Variants in CFAP91 observed in about 807,000 individuals in gnomAD.
The protein encoded by CFAP91 is cilia and flagella associated protein 91.
A neutral mutation model predicts 95.9 loss-of-function variants in CFAP91; 85 were observed. The ratio of observed to expected loss-of-function variants is 0.89; its 90% CI spans 0.74 to 1.06. CFAP91 has a LOEUF of 1.06. Ranked by LOEUF, CFAP91 falls within the 50% of genes least tolerant of loss-of-function variation. The probability of loss-of-function intolerance (pLI) is 0.00; values close to 1 mark genes in which losing one functional copy is unlikely to be tolerated. For synonymous variants in CFAP91, 335 were observed against 327.5 expected, an observed-to-expected ratio of 1.02 and a Z score of -0.25; for missense variants, 962 against 943.4, an observed-to-expected ratio of 1.02 and a Z score of -0.26.
At chr3:119,745,358 T>TATA (rs1559765279) in intron 14 of CFAP91, among the ~76,000 whole-genome samples, 1 of 152,178 alleles carries the variant, frequency 6.6e-6, no homozygotes, top group African/African-American at 2.4e-5. Flanking sequence ...GAAACACAGA[T>TATA]ATAAAGTCAT....
rs749813074 is a variant in CFAP91, at chr3:119,703,059, C to T, written c.-40C>T. On this transcript the variant is annotated 5_prime_UTR_variant, in exon 1 of 18. Transcript: ENST00000273390. ...ACGTGCACGCAGTAGCCAGGCCTGACCCGCTGGTCCCTTGCTGGCGGGAGG... is the reference window on the plus strand; with the variant it reads ...ACGTGCACGCAGTAGCCAGGCCTGATCCGCTGGTCCCTTGCTGGCGGGAGG... 1.3e-6 allele frequency: 2 copies of T among 1,547,358 alleles called. No homozygotes were observed. The highest frequency in any genetic ancestry group is 3.9e-5 in the Admixed American group (2 of 50,912).
In CFAP91 at chr3:119,731,912, T is replaced by C. The variant is rs114786085; in HGVS notation, c.1019-382T>C. ...CTGTAGTCTTTGCTTTTGATTATCC[T>C]TGTAGGGGAGAATAATTCCCTAGTT... On this transcript the variant is annotated intron_variant, in intron 8 of 17. Transcript: ENST00000273390. 5.9e-3 allele frequency among the ~76,000 whole-genome samples: 893 copies of C among 152,370 alleles called. 3 individuals are homozygous for C. The highest frequency in any genetic ancestry group is 0.017 in the African/African-American group (719 of 41,592).
intron 17 of CFAP91, among the ~76,000 whole-genome samples, chr3:119,753,369 A>G (rs771608014): frequency 6.6e-6 from 1 of 152,202 alleles, no homozygotes; most frequent in Admixed American, 6.5e-5. Context: ...TATCCCTGGC[A>G]TATGATATAG....
At chr3:119,751,140 AG>A (rs2054317832) in intron 17 of CFAP91, 42 bp downstream of exon 17, 2 of 1,560,810 alleles carry the variant, frequency 1.3e-6, no homozygotes, top group South Asian at 2.5e-5. Flanking sequence ...AGAGAAAGGA[AG>A]AAAAGCGGCA....
intron 8 of CFAP91, among the ~76,000 whole-genome samples, chr3:119,731,066 G>A (rs750952103): frequency 1.4e-4 from 22 of 152,012 alleles, no homozygotes; most frequent in South Asian, 4.2e-4. Flanking sequence ...GTGAGACCAC[G>A]TCTCTACAAA....
At chr3:119,707,013 C>T in intron 2 of CFAP91, 128 bp downstream of exon 2, 1 of 725,370 alleles carries the variant, frequency 1.4e-6, no homozygotes, top group Non-Finnish European at 2.4e-6. Flanking sequence ...ATTACCTTGC[C>T]AAGATTACTG....
chr3:119,732,977 C>T (rs528687178), intron 9 of CFAP91, among the ~76,000 whole-genome samples: 2 of 152,186 alleles, frequency 1.3e-5, no homozygotes, highest in Non-Finnish European at 2.9e-5. Flanking sequence ...TTGCTGGTTA[C>T]ACTGCTGAAC....
chr3:119,720,289 C>T (rs901129390), intron 6 of CFAP91, among the ~76,000 whole-genome samples: 63 of 148,740 alleles, frequency 4.2e-4, no homozygotes, highest in African/African-American at 1.1e-3. Flanking sequence ...CCCAGCTACT[C>T]GGGAGGCTGA....
intron 5 of CFAP91, among the ~76,000 whole-genome samples, chr3:119,714,644 C>G (rs1047278304): frequency 8.5e-5 from 13 of 152,122 alleles, no homozygotes; most frequent in African/African-American, 3.1e-4. Flanking sequence ...TGTGAATTCT[C>G]CTTTACTCAT....
chr3:119,713,078 TTTATTTTTATTTA>T (rs976688978), intron 5 of CFAP91: 6 of 147,276 alleles, frequency 4.1e-5, no homozygotes, highest in South Asian at 4.3e-4. Flanking sequence ...AAATTTTTAT[TTTATTTTTATTTA>T]TTTATTTATT....
At chr3:119,717,351 A>T (rs34205825) in intron 6 of CFAP91, among the ~76,000 whole-genome samples, 111,090 of 152,040 alleles carry the variant, frequency 0.73, 42,455 homozygotes, top group Non-Finnish European at 0.85. Context: ...TCATTAGGCA[A>T]AAAACAAACA....
At chr3:119,721,816 AAG>A (rs1264389674) in intron 6 of CFAP91, among the ~76,000 whole-genome samples, 47 of 152,192 alleles carry the variant, frequency 3.1e-4, no homozygotes, top group Non-Finnish European at 2.6e-4. Context: ...CAGAACTAAA[AAG>A]AGAGTTCAAC....
chr3:119,759,504 A>G (rs557985500), intron 17 of CFAP91, among the ~76,000 whole-genome samples: 1 of 152,074 alleles, frequency 6.6e-6, no homozygotes, highest in African/African-American at 2.4e-5. Flanking sequence ...ACTTTCCTAT[A>G]TGTGTCATAT....
intron 1 of CFAP91, among the ~76,000 whole-genome samples, chr3:119,704,186 T>TC (rs1310235261): frequency 6.6e-6 from 1 of 152,220 alleles, no homozygotes; most frequent in African/African-American, 2.4e-5. Flanking sequence ...TGTTTTTTTT[T>TC]CACGGGTAAT....
At chr3:119,710,038 G>T in intron 5 of CFAP91, 143 bp downstream of exon 5, 1 of 633,048 alleles carries the variant, frequency 1.6e-6, no homozygotes. Flanking sequence ...CTTCTAGTGT[G>T]TCATGAGCAG....
intron 17 of CFAP91, among the ~76,000 whole-genome samples, chr3:119,759,637 T>C (rs961218705): frequency 2.0e-5 from 3 of 151,976 alleles, no homozygotes; most frequent in African/African-American, 7.2e-5. Flanking sequence ...CTTTTTAGTA[T>C]GAAGGTTAAA....
rs770594988 is a variant in CFAP91 at position 119,707,732 on chromosome 3, G to GATATATATATATATATATATAT, written c.359+188_359+189insTATATATATATATATATATATA. Among the ~76,000 whole-genome samples the GATATATATATATATATATATAT allele has an allele frequency of 5.9e-3, 840 of 142,264 alleles. 11 individuals carry two copies. Among genetic ancestry groups the GATATATATATATATATATATAT allele is most frequent in the Middle Eastern group, 0.026 (7 of 272 alleles). The allele number at this position is 142,264 out of a possible 152,430, so 93.3% of individuals were successfully genotyped here. A position where few individuals can be genotyped will look rare whatever the true frequency, so the allele number is the denominator to read the frequency against. ...ACCTGATTATATATTGTATATATGA[G>GATATATATATATATATATATAT]ATATATATATATATATAATTTTGTC... On this transcript the variant is annotated intron_variant, in intron 3 of 17. Coordinates refer to ENST00000273390, the MANE Select transcript of CFAP91 (RefSeq NM_033364.4).
At chr3:119,748,048 C>A (rs1577239816) in intron 16 of CFAP91, 146 bp downstream of exon 16, 1 of 639,690 alleles carries the variant, frequency 1.6e-6, no homozygotes, top group East Asian at 2.8e-5. Context: ...TTGTCAGGTT[C>A]TCTTCATGCT....
intron 3 of CFAP91, among the ~76,000 whole-genome samples, chr3:119,708,229 C>T (rs1272387736): frequency 1.4e-5 from 2 of 146,990 alleles, no homozygotes; most frequent in Admixed American, 6.9e-5. Flanking sequence ...TGCACCACTG[C>T]ACTCCAGCCT....
Sources: allele counts gnomAD v4.1 joint callset (sites outside exome capture counted in the v4.1 genomes callset), GRCh38; gene constraint gnomAD v4.1.1; transcripts MANE v1.5; gene names NCBI Gene and HGNC (gene_info 2026-07-23, HGNC 2026-07-21).